The following MAGI2 variants were observed in gnomAD, a reference collection of about 807,000 sequenced individuals.
MAGI2 encodes membrane-associated guanylate kinase, WW and PDZ domain-containing protein 2.
A neutral mutation model predicts 133.3 loss-of-function variants in MAGI2; 35 were observed. The observed-to-expected ratio is 0.26, with a 90% CI of 0.20 to 0.35. MAGI2 has a LOEUF of 0.35. MAGI2 is among the 10% of genes least tolerant of loss of function. MAGI2 has a pLI of 1.00. For missense variants in MAGI2, 1,636 were observed against 1,863.4 expected, an observed-to-expected ratio of 0.88 and a Z score of 2.25; for synonymous variants, 729 against 710.6, an observed-to-expected ratio of 1.03 and a Z score of -0.41.
At chr7:78,841,195 C>T (rs554380) in intron 2 of MAGI2, among the ~76,000 whole-genome samples, 23,801 of 152,052 alleles carry the variant, frequency 0.16, 2,205 homozygotes, top group Non-Finnish European at 0.21. Context: ...CACTGAAGTA[C>T]TATAGCTGAA....
At chr7:78,677,849 G>T (rs1033449946) in intron 2 of MAGI2, among the ~76,000 whole-genome samples, 1 of 152,048 alleles carries the variant, frequency 6.6e-6, no homozygotes, top group Non-Finnish European at 1.5e-5. Context: ...AAGCAGAAAA[G>T]CTAGTGCTCT....
At chr7:78,472,142 A>G (rs533117011) in intron 6 of MAGI2, among the ~76,000 whole-genome samples, 2 of 152,182 alleles carry the variant, frequency 1.3e-5, no homozygotes, top group South Asian at 2.1e-4. Context: ...TTTGCAGATG[A>G]TCATCTCTTA....
rs532814584 is a variant in MAGI2 at position 78,895,198 on chromosome 7, C to G, written c.418+111892G>C. ...CTGTTATAAAAGCCAGGCTGGCTCT[C>G]TCTTGGTGCTCTCTTGCCATGTGAT... is the stretch of plus-strand genomic sequence containing the variant. On this transcript the variant is annotated intron_variant, in intron 2 of 21. Transcript: ENST00000354212. 1.1e-4 allele frequency among the ~76,000 whole-genome samples: 16 copies of G among 152,276 alleles called. No homozygotes were observed. In the South Asian group the frequency reaches 3.3e-3, roughly 32 times the overall value.
At chr7:79,065,892 A>G (rs553787968) in intron 1 of MAGI2, among the ~76,000 whole-genome samples, 2 of 152,278 alleles carry the variant, frequency 1.3e-5, no homozygotes, top group African/African-American at 4.8e-5. Flanking sequence ...ACAAGAACTC[A>G]TCCTTTTTTA....
intron 11 of MAGI2, 50 bp from the exon 12 acceptor site, chr7:78,195,113 T>G (rs1432243497): frequency 1.1e-5 from 17 of 1,482,446 alleles, no homozygotes; most frequent in East Asian, 2.4e-5. Context: ...TCTTCCTGGC[T>G]ATTTCTCTTG....
At chr7:78,528,421 A>G (rs761955245) in intron 3 of MAGI2, among the ~76,000 whole-genome samples, 1 of 152,206 alleles carries the variant, frequency 6.6e-6, no homozygotes, top group Non-Finnish European at 1.5e-5. Flanking sequence ...ACTTTAAGAC[A>G]TGTTTAACAT....
rs577486516 is a variant in MAGI2, at chr7:78,259,303, A to G, written c.1409-2722T>C. On this transcript the variant is annotated intron_variant, in intron 9 of 21. Coordinates refer to ENST00000354212, the MANE Select transcript of MAGI2 (RefSeq NM_012301.4). ...AGGTATAGTAGAGATCACATGGGAT[A>G]TGAGGTCAAAAGACTTTGGTCTGAG... Among the ~76,000 whole-genome samples the G allele has an allele frequency of 1.1e-4, 17 of 152,244 alleles. No homozygotes were observed. The South Asian group carries it at 3.3e-3, about 30-fold the overall frequency.
At position 78,458,045 on chromosome 7, in the gene MAGI2, C is replaced by T. The variant is rs533736303; in HGVS notation, c.1045+31716G>A. Among the ~76,000 whole-genome samples, 4 of 151,822 alleles carry T rather than the reference C, an allele frequency of 2.6e-5. No homozygotes were observed. In the South Asian group the frequency reaches 6.3e-4, roughly 24 times the overall value. ...GGGCGTGGTGGCTAATGCTTGTAAT[C>T]CCAGCACTTTGGGAGGCTAAGGCGG... On this transcript the variant is annotated intron_variant, in intron 6 of 21. Transcript: ENST00000354212.
chr7:78,592,665 T>C (rs537664698), intron 3 of MAGI2, among the ~76,000 whole-genome samples: 63 of 152,150 alleles, frequency 4.1e-4, no homozygotes, highest in Admixed American at 2.5e-3. Flanking sequence ...GCACTCTATT[T>C]TGTCTAAGCA....
At chr7:78,880,895 A>G (rs1165457703) in intron 2 of MAGI2, among the ~76,000 whole-genome samples, 1 of 152,222 alleles carries the variant, frequency 6.6e-6, no homozygotes, top group Non-Finnish European at 1.5e-5. Flanking sequence ...TTACAAAAAC[A>G]GAAAAGATAA....
chr7:79,019,190 A>G (rs1260776200), intron 1 of MAGI2, among the ~76,000 whole-genome samples: 2 of 152,144 alleles, frequency 1.3e-5, no homozygotes, highest in South Asian at 4.1e-4. Context: ...TACCAACCAC[A>G]ATTTTGGACC....
At chr7:78,536,631 A>G (rs1797957109) in intron 3 of MAGI2, among the ~76,000 whole-genome samples, 1 of 152,040 alleles carries the variant, frequency 6.6e-6, no homozygotes, top group East Asian at 1.9e-4. Flanking sequence ...GAACTGGAAG[A>G]CTTTTTCTTG....
chr7:78,266,967 G>T (rs922861370), intron 9 of MAGI2, among the ~76,000 whole-genome samples: 1 of 152,186 alleles, frequency 6.6e-6, no homozygotes, highest in Non-Finnish European at 1.5e-5. Flanking sequence ...GCTGCATTGT[G>T]AGCTGGTTGC....
At chr7:79,048,703 A>G (rs1465471685) in intron 1 of MAGI2, among the ~76,000 whole-genome samples, 1 of 152,296 alleles carries the variant, frequency 6.6e-6, no homozygotes, top group East Asian at 1.9e-4. Flanking sequence ...GCCTGGCACA[A>G]TGGCTCATGC....
intron 2 of MAGI2, among the ~76,000 whole-genome samples, chr7:78,944,339 T>C (rs868670712): frequency 6.6e-6 from 1 of 152,140 alleles, no homozygotes; most frequent in Non-Finnish European, 1.5e-5. Flanking sequence ...CTGCCCCTCA[T>C]TGAGTAGCAT....
intron 2 of MAGI2, among the ~76,000 whole-genome samples, chr7:78,987,859 C>A (rs1489529096): frequency 6.6e-6 from 1 of 151,832 alleles, no homozygotes. Flanking sequence ...GGCACACACA[C>A]ACAGTAAAGG....
chr7:79,448,604 C>G (rs552973650), intron 1 of MAGI2, among the ~76,000 whole-genome samples: 1 of 152,206 alleles, frequency 6.6e-6, no homozygotes, highest in South Asian at 2.1e-4. Flanking sequence ...GGAATTAAAA[C>G]TAGGTGGTCT....
chr7:78,078,788 A>G (rs200498035), intron 21 of MAGI2, 159 bp downstream of exon 21: 62 of 624,922 alleles, frequency 9.9e-5, no homozygotes, highest in Non-Finnish European at 1.4e-4. Context: ...GTGTGTGTGT[A>G]TGTGTGTGTG....
chr7:79,432,189 T>C (rs1370631513), intron 1 of MAGI2, among the ~76,000 whole-genome samples: 1 of 152,166 alleles, frequency 6.6e-6, no homozygotes, highest in Non-Finnish European at 1.5e-5. Flanking sequence ...AAAGACTAAA[T>C]ATTTGAAAAG....
Sources: allele counts gnomAD v4.1 joint callset (sites outside exome capture counted in the v4.1 genomes callset), GRCh38; gene constraint gnomAD v4.1.1; transcripts MANE v1.5; gene names NCBI Gene and HGNC (gene_info 2026-07-23, HGNC 2026-07-21).